Variants in IL20RB observed in about 807,000 individuals in gnomAD.
The protein encoded by IL20RB is interleukin 20 receptor subunit beta.
Under a neutral mutation model 33.3 loss-of-function variants are expected in IL20RB, and 21 were observed. That is an observed-to-expected ratio of 0.63 (90% CI 0.45 to 0.91). IL20RB has a LOEUF of 0.91. Ranked by LOEUF, IL20RB falls within the 40% of genes least tolerant of loss-of-function variation. IL20RB has a pLI of 0.00. For synonymous variants in IL20RB, 147 were observed against 146.8 expected (o/e 1.00, Z -0.01); for missense variants, 345 against 384.8 (o/e 0.90, Z 0.86).
At chr3:136,964,367 C>T (rs1202672768) in intron 1 of IL20RB, among the ~76,000 whole-genome samples, 1 of 104,976 alleles carries the variant, frequency 9.5e-6, no homozygotes, top group Non-Finnish European at 1.9e-5. Flanking sequence ...TGTTTCCTGA[C>T]TTTTTAATGA....
rs150585458 is a variant in IL20RB, at chr3:136,977,299, A to G, written c.89-3167A>G. Among the ~76,000 whole-genome samples, 1,104 of 152,316 alleles carry G rather than the reference A, an allele frequency of 7.2e-3. 9 individuals are homozygous for G. Among genetic ancestry groups the G allele is most frequent in the Admixed American group, 0.013 (199 of 15,304 alleles). On this transcript the variant is annotated intron_variant, in intron 1 of 6. Coordinates refer to ENST00000329582, the MANE Select transcript of IL20RB (RefSeq NM_144717.4). ...ATATTAACAAAAAGCTTGCTGAACTATTGATAGGAATTGCATTAAACCTAT... is the reference window on the plus strand; with the variant it reads ...ATATTAACAAAAAGCTTGCTGAACTGTTGATAGGAATTGCATTAAACCTAT...
chr3:137,001,069 C>T (rs775174900), intron 6 of IL20RB, among the ~76,000 whole-genome samples: 1 of 152,092 alleles, frequency 6.6e-6, no homozygotes, highest in Non-Finnish European at 1.5e-5. Context: ...GCTAAGATCT[C>T]CTAGGAATCC....
At chr3:136,960,115 T>C (rs1941176018) in intron 1 of IL20RB, among the ~76,000 whole-genome samples, 1 of 142,262 alleles carries the variant, frequency 7.0e-6, no homozygotes, top group South Asian at 2.4e-4. Flanking sequence ...ACTAGATCAC[T>C]GGGCAGATGG....
chr3:136,994,041 T>C (rs1255742901), intron 5 of IL20RB, among the ~76,000 whole-genome samples: 1 of 151,846 alleles, frequency 6.6e-6, no homozygotes, highest in Non-Finnish European at 1.5e-5. Flanking sequence ...TGTCAATATA[T>C]GTAAATGAAA....
At chr3:137,002,838 C>T (rs1388216290) in intron 6 of IL20RB, among the ~76,000 whole-genome samples, 1 of 152,104 alleles carries the variant, frequency 6.6e-6, no homozygotes, top group Admixed American at 6.6e-5. Flanking sequence ...TCATGAAGTC[C>T]TTGCCCATGC....
intron 6 of IL20RB, among the ~76,000 whole-genome samples, chr3:136,996,691 G>C (rs1053821170): frequency 3.3e-5 from 5 of 152,114 alleles, no homozygotes. Flanking sequence ...GCTGATACTA[G>C]TACAGAGCTA....
At chr3:136,982,048 A>T in intron 2 of IL20RB, 112 bp from the exon 3 acceptor site, 1 of 652,456 alleles carries the variant, frequency 1.5e-6, no homozygotes, top group Non-Finnish European at 2.5e-6. Context: ...ATGAGAAAGT[A>T]CTTATTTTAC....
intron 1 of IL20RB, among the ~76,000 whole-genome samples, chr3:136,971,861 G>T (rs927427793): frequency 3.3e-5 from 5 of 152,192 alleles, no homozygotes; most frequent in African/African-American, 1.2e-4. Flanking sequence ...CAGTAGTGGG[G>T]TGGCTGGATG....
intron 4 of IL20RB, among the ~76,000 whole-genome samples, chr3:136,991,024 T>C (rs1337326280): frequency 6.6e-6 from 1 of 152,148 alleles, no homozygotes; most frequent in Non-Finnish European, 1.5e-5. Context: ...CCCTGAGTCA[T>C]CTAGGCTTGG....
At chr3:136,962,448 G>C (rs972123979) in intron 1 of IL20RB, among the ~76,000 whole-genome samples, 2 of 152,092 alleles carry the variant, frequency 1.3e-5, no homozygotes, top group Non-Finnish European at 2.9e-5. Context: ...CAACTGGCCA[G>C]TACTTCTAAA....
At chr3:137,009,197 T>C (rs1933015300) in intron 6 of IL20RB, among the ~76,000 whole-genome samples, 1 of 152,194 alleles carries the variant, frequency 6.6e-6, no homozygotes, top group African/African-American at 2.4e-5. Flanking sequence ...GAGGAAACCA[T>C]TGTGCCTATT....
intron 6 of IL20RB, among the ~76,000 whole-genome samples, chr3:137,008,902 A>G (rs1933007159): frequency 6.6e-6 from 1 of 152,242 alleles, no homozygotes; most frequent in African/African-American, 2.4e-5. Context: ...TGTGATTCAC[A>G]TTATATTTCT....
intron 5 of IL20RB, among the ~76,000 whole-genome samples, chr3:136,994,797 A>G (rs1314974366): frequency 6.6e-6 from 1 of 152,218 alleles, no homozygotes; most frequent in Non-Finnish European, 1.5e-5. Flanking sequence ...CATTCTGAGC[A>G]TAGATTCCTC....
rs1156233740 is a variant in IL20RB, at chr3:136,966,612, G to A, written c.88+8411G>A. On this transcript the variant is annotated intron_variant, in intron 1 of 6. Coordinates refer to ENST00000329582, the MANE Select transcript of IL20RB (RefSeq NM_144717.4). ...TTTTTTCTTTATTAGTCTTGCTAGC[G>A]GTCTATCAATTTTGTTGATCCTTTC... Among the ~76,000 whole-genome samples the A allele has an allele frequency of 3.1e-4, 24 of 77,304 alleles. 2 individuals carry two copies. Among genetic ancestry groups the A allele is most frequent in the Non-Finnish European group, 3.4e-4 (14 of 41,078 alleles). 50.7% of individuals were successfully genotyped at this position (77,304 alleles called of 152,430 possible).
intron 1 of IL20RB, among the ~76,000 whole-genome samples, chr3:136,960,100 T>C (rs2108168104): frequency 6.6e-6 from 1 of 151,536 alleles, no homozygotes; most frequent in Admixed American, 6.6e-5. Flanking sequence ...GAACTTCTAT[T>C]AGTTACTAGA....
At chr3:136,964,382 C>T (rs1429487537) in intron 1 of IL20RB, among the ~76,000 whole-genome samples, 1 of 104,916 alleles carries the variant, frequency 9.5e-6, no homozygotes, top group African/African-American at 4.0e-5. Flanking sequence ...TAATGATTGC[C>T]GTTCTAACTG....
chr3:136,980,655 C>G, intron 2 of IL20RB, 63 bp downstream of exon 2: 2 of 1,592,094 alleles, frequency 1.3e-6, no homozygotes, highest in Non-Finnish European at 1.7e-6. Flanking sequence ...AAGGCATAGC[C>G]CTTCCTCCTG....
chr3:136,997,358 T>C (rs571802080), intron 6 of IL20RB, among the ~76,000 whole-genome samples: 1 of 152,244 alleles, frequency 6.6e-6, no homozygotes, highest in East Asian at 1.9e-4. Flanking sequence ...TCTCAAAGTG[T>C]TGGGATTATA....
intron 3 of IL20RB, among the ~76,000 whole-genome samples, chr3:136,987,912 G>T (rs941389307): frequency 3.2e-4 from 48 of 152,178 alleles, no homozygotes; most frequent in African/African-American, 1.2e-3. Flanking sequence ...CGCCCACCCG[G>T]AACTCCAGCT....
Sources: allele counts gnomAD v4.1 joint callset (sites outside exome capture counted in the v4.1 genomes callset), GRCh38; gene constraint gnomAD v4.1.1; transcripts MANE v1.5; gene names NCBI Gene and HGNC (gene_info 2026-07-23, HGNC 2026-07-21).